Variants in CALN1 observed in about 807,000 individuals in gnomAD.
CALN1 encodes calneuron 1.
Under a neutral mutation model 30.6 loss-of-function variants are expected in CALN1, and 17 were observed. The ratio of observed to expected loss-of-function variants is 0.56; its 90% confidence interval spans 0.38 to 0.83. The LOEUF is 0.83. CALN1 is among the 40% of genes least tolerant of loss of function. The pLI is 0.00. For synonymous variants in CALN1, 156 were observed against 131.4 expected (o/e 1.19, Z -1.28); for missense variants, 291 against 354.9 (o/e 0.82, Z 1.45).
At chr7:72,332,310 T>C (rs1801732669) in intron 2 of CALN1, among the ~76,000 whole-genome samples, 1 of 151,986 alleles carries the variant, frequency 6.6e-6, no homozygotes, top group Non-Finnish European at 1.5e-5. Flanking sequence ...GGACAGTTTA[T>C]GCAGAAATTT....
chr7:72,486,797 C>A, the CALN1 span, among the ~76,000 whole-genome samples: 1 of 152,016 alleles, frequency 6.6e-6, no homozygotes, highest in African/African-American at 2.4e-5. Context: ...CAATTTCTTC[C>A]TTCATTCATT....
At chr7:72,282,063 A>T (rs1797766946) in intron 2 of CALN1, among the ~76,000 whole-genome samples, 1 of 152,240 alleles carries the variant, frequency 6.6e-6, no homozygotes, top group African/African-American at 2.4e-5. Flanking sequence ...AGATATATAA[A>T]GTCATGTTCA....
At chr7:71,922,774 A>C (rs1795031395) in intron 5 of CALN1, among the ~76,000 whole-genome samples, 1 of 140,330 alleles carries the variant, frequency 7.1e-6, no homozygotes, top group African/African-American at 2.6e-5. Flanking sequence ...AATATATTAT[A>C]TATAAATATA....
At chr7:72,168,226 A>C (rs1182841177) in intron 3 of CALN1, among the ~76,000 whole-genome samples, 1 of 88,350 alleles carries the variant, frequency 1.1e-5, no homozygotes, top group African/African-American at 4.5e-5. Context: ...TAATTTTTGC[A>C]AACAAGCAAA....
At chr7:72,261,080 G>A (rs1796240950) in intron 3 of CALN1, among the ~76,000 whole-genome samples, 1 of 152,136 alleles carries the variant, frequency 6.6e-6, no homozygotes, top group Non-Finnish European at 1.5e-5. Context: ...GGCCGAGGAG[G>A]GTAGATCACC....
At chr7:72,309,228 G>T (rs79812612) in intron 2 of CALN1, among the ~76,000 whole-genome samples, 4,805 of 152,240 alleles carry the variant, frequency 0.032, 245 homozygotes, top group African/African-American at 0.11. Flanking sequence ...GCCAGATGGA[G>T]AAGACACAAC....
At chr7:72,371,033 G>A (rs1014168171) in intron 2 of CALN1, among the ~76,000 whole-genome samples, 20 of 109,596 alleles carry the variant, frequency 1.8e-4, no homozygotes, top group African/African-American at 5.5e-4. Flanking sequence ...TGGTGACAGA[G>A]CAAAATTAAG....
rs148050778 is a variant in CALN1, at chr7:72,041,386, TA to T, written c.389-17618del. On this transcript the variant is annotated intron_variant, in intron 4 of 6. Coordinates refer to ENST00000395275, the MANE Select transcript of CALN1 (RefSeq NM_031468.4). ...TCCCTGTCCCCGCCCAAATTTTTTT[TA>T]TTTTTTTTATTTTTGAGACAGCATC... Among the ~76,000 whole-genome samples, 1,094 of 152,084 alleles carry T rather than the reference TA, an allele frequency of 7.2e-3. 15 individuals carry two copies. The highest frequency in any genetic ancestry group is 0.025 in the African/African-American group (1,020 of 41,462).
At chr7:71,858,230 T>C (rs1479792390) in intron 5 of CALN1, among the ~76,000 whole-genome samples, 1 of 152,186 alleles carries the variant, frequency 6.6e-6, no homozygotes, top group Non-Finnish European at 1.5e-5. Context: ...ATTCTTCTCC[T>C]TCCTGCTGTC....
Position 71,812,357 on chromosome 7 carries a change from C to T in CALN1, c.502-1865G>A, listed in dbSNP as rs184469385. ...ATTCTAAAAGACAATGTACTGGTTC[C>T]GGAGCCAGGCAGTGAAAAATGAGAA... is the stretch of plus-strand genomic sequence containing the variant. On this transcript the variant is annotated intron_variant, in intron 5 of 6. Coordinates refer to ENST00000395275, the MANE Select transcript of CALN1 (RefSeq NM_031468.4). Among the ~76,000 whole-genome samples, 79 of 152,232 alleles carry T rather than the reference C, an allele frequency of 5.2e-4. 1 individual carries two copies. The East Asian group carries it at 0.011, about 22-fold the overall frequency.
chr7:71,894,659 T>C (rs1239107695), intron 5 of CALN1, among the ~76,000 whole-genome samples: 2 of 152,212 alleles, frequency 1.3e-5, no homozygotes, highest in Non-Finnish European at 2.9e-5. Flanking sequence ...AAAAGTTCCA[T>C]TGGAATTTTG....
intron 1 of CALN1, among the ~76,000 whole-genome samples, chr7:72,411,524 G>GT (rs1328049865): frequency 2.0e-5 from 3 of 152,104 alleles, no homozygotes; most frequent in Admixed American, 6.5e-5. Context: ...AAATATGGAC[G>GT]TATCAGTTGT....
At chr7:72,124,484 T>G (rs926444964) in intron 3 of CALN1, among the ~76,000 whole-genome samples, 1 of 151,826 alleles carries the variant, frequency 6.6e-6, no homozygotes, top group African/African-American at 2.4e-5. Flanking sequence ...TATAAAGAAT[T>G]TTAAAAATTA....
At chr7:71,944,613 A>G (rs937714780) in intron 5 of CALN1, among the ~76,000 whole-genome samples, 1 of 151,490 alleles carries the variant, frequency 6.6e-6, no homozygotes, top group Admixed American at 6.6e-5. Context: ...AAAAAAAAAA[A>G]AAAAGAAAGA....
Position 72,278,796 on chromosome 7 carries a change from A to C in CALN1, c.134T>G (p.Phe45Cys), listed in dbSNP as rs1562831067. 6.2e-7 allele frequency: 1 copy of C among 1,613,308 alleles called. No homozygotes were observed. Among genetic ancestry groups the C allele is most frequent in the Non-Finnish European group, 8.5e-7 (1 of 1,179,386 alleles). ...PDFPTWEKMP[F>C]HHVTAGLLYK... ...CAACAAGCCGGCGGTCACATGGTGG[A>C]ACGGCATCTTTTCCCTGCCCAAGAG... Residue 45 changes from phenylalanine (F) to cysteine (C), a missense_variant, in exon 3 of 7, where the codon TTC (phenylalanine) becomes TGC (cysteine). By Grantham distance (205) the Phe-to-Cys change is radical. This residue lies in a region of CALN1 where 122 missense variants were observed against 103.2 expected (regional missense o/e 1.18). Transcript: ENST00000395275.
chr7:71,918,004 T>G (rs1247234476), intron 5 of CALN1, among the ~76,000 whole-genome samples: 1 of 152,210 alleles, frequency 6.6e-6, no homozygotes, highest in African/African-American at 2.4e-5. Flanking sequence ...ATGGCATGCA[T>G]TATAAAATGA....
At chr7:71,806,080 G>A (rs994987138) in intron 6 of CALN1, among the ~76,000 whole-genome samples, 3 of 152,160 alleles carry the variant, frequency 2.0e-5, no homozygotes, top group Admixed American at 1.3e-4. Flanking sequence ...GAGAGCATCA[G>A]GAAAAATAGC....
chr7:72,029,477 G>A (rs950593924), intron 4 of CALN1, among the ~76,000 whole-genome samples: 1 of 152,134 alleles, frequency 6.6e-6, no homozygotes, highest in Admixed American at 6.5e-5. Flanking sequence ...TTCCCTGGGT[G>A]ATAGGAATGT....
intron 4 of CALN1, among the ~76,000 whole-genome samples, chr7:72,032,459 G>T (rs181544849): frequency 6.6e-6 from 1 of 152,222 alleles, no homozygotes; most frequent in African/African-American, 2.4e-5. Context: ...CCAAAGCACT[G>T]GGATTACAAG....
Sources: allele counts gnomAD v4.1 joint callset (sites outside exome capture counted in the v4.1 genomes callset), GRCh38; gene constraint gnomAD v4.1.1; regional missense constraint gnomAD v4.1.1; transcripts MANE v1.5; gene names NCBI Gene and HGNC (gene_info 2026-07-23, HGNC 2026-07-21).